GRAMD1C: variants seen among roughly 807,000 people sequenced by gnomAD.
GRAMD1C encodes the protein protein Aster-C.
Under a neutral mutation model 97.8 loss-of-function variants are expected in GRAMD1C, and 89 were observed. That is an observed-to-expected ratio of 0.91 (90% CI 0.77 to 1.09). The LOEUF (loss-of-function observed/expected upper bound fraction) is 1.09. Ranked by LOEUF, GRAMD1C falls within the 50% of genes least tolerant of loss-of-function variation. The pLI is 0.00. For missense variants in GRAMD1C, 740 were observed against 766.4 expected, an observed-to-expected ratio of 0.97 and a Z score of 0.41; for synonymous variants, 256 against 267.0, an observed-to-expected ratio of 0.96 and a Z score of 0.40.
In GRAMD1C at chr3:113,930,784, C is replaced by T. The variant is rs749785752; in HGVS notation, c.1161C>T (p.Val387=). Residue 387 remains valine, a synonymous_variant, in exon 11 of 18, where the codon GTC becomes GTT. Coordinates refer to ENST00000358160, the MANE Select transcript of GRAMD1C (RefSeq NM_017577.5). ...DQLRTMTYTI[V]LNSPLTGKCT... is the part of the protein sequence containing the mutation. ...TGAGAACGATGACCTACACTATAGT[C>T]CTTAATAGTCCACTTACTGGAAAAT... 1.5e-5 allele frequency: 24 copies of T among 1,611,062 alleles called. No homozygotes were observed. Among genetic ancestry groups the T allele is most frequent in the Middle Eastern group, 3.3e-4 (2 of 6,072 alleles).
chr3:113,848,218 G>A lies in GRAMD1C; in HGVS notation c.174+3569G>A, dbSNP rs142546234. On this transcript the variant is annotated intron_variant, in intron 2 of 17. Coordinates refer to ENST00000358160, the MANE Select transcript of GRAMD1C (RefSeq NM_017577.5). ...TCTGCATCTGGTGATTTCAGGGTGT[G>A]GTCATCTTGAGTATGTTGCATAACC... Among the ~76,000 whole-genome samples the A allele has an allele frequency of 2.6e-5, 4 of 152,228 alleles. No homozygotes were observed. In the East Asian group the frequency reaches 7.7e-4, roughly 29 times the overall value.
chr3:113,881,649 C>T (rs1433958728), intron 5 of GRAMD1C, among the ~76,000 whole-genome samples: 1 of 152,042 alleles, frequency 6.6e-6, no homozygotes, highest in Non-Finnish European at 1.5e-5. Flanking sequence ...AAGCATAACA[C>T]AGTGGTGAAA....
At position 113,945,462 on chromosome 3, in the gene GRAMD1C, T is replaced by A; in HGVS notation, c.1973T>A (p.Met658Lys). The A allele has an allele frequency of 6.3e-7, 1 of 1,588,436 alleles. No individual in the cohort carries two copies. ...CTACTAAATAAGAATAAGACTGGCA[T>A]GGCTGTTGAAAGCTAGTGATCTGAA... ...FDLLNKNKTG[M>K]AVES The change falls in exon 18 of 18, where the codon ATG becomes AAG. Residue 658 changes from methionine to lysine, a missense_variant. Physicochemically the swap from Met to Lys is moderately conservative, Grantham distance 95. Coordinates refer to ENST00000358160, the MANE Select transcript of GRAMD1C (RefSeq NM_017577.5).
At chr3:113,840,523 T>C (rs962251941) in intron 1 of GRAMD1C, among the ~76,000 whole-genome samples, 21 of 151,934 alleles carry the variant, frequency 1.4e-4, no homozygotes, top group African/African-American at 4.8e-4. Flanking sequence ...GAAGTATCGC[T>C]TGAGGACAGG....
Position 113,936,286 on chromosome 3 carries a change from G to A in GRAMD1C, c.1477G>A (p.Glu493Lys). Residue 493 changes from glutamate (E) to lysine (K), a missense_variant, in exon 14 of 18, where the codon GAA (glutamate) becomes AAA (lysine). Transcript: ENST00000358160. ...CTTAGAATCAGATTTGTTAATTGAA[G>A]AATCTGTATTAAATCAGGCCATTGA... is the stretch of plus-strand genomic sequence containing the variant. ...KQLESDLLIE[E>K]SVLNQAIEDP... The A allele has an allele frequency of 6.3e-7, 1 of 1,575,326 alleles. No homozygotes were observed.
intron 2 of GRAMD1C, among the ~76,000 whole-genome samples, chr3:113,855,217 A>G (rs191210401): frequency 8.6e-5 from 13 of 152,026 alleles, no homozygotes; most frequent in African/African-American, 2.4e-4. Context: ...AGGCTGAGGC[A>G]GGAGGATTGC....
Position 113,871,010 on chromosome 3 carries a change from CACACACACACACAG to C in GRAMD1C, c.259+1421_259+1434del, listed in dbSNP as rs1315532423. The stretch of plus-strand genomic sequence containing the variant: ...ACACACACACACACACACACACACA[CACACACACACACAG>C]AGGAATATTAAGTACTAAGAAAATA... On this transcript the variant is annotated intron_variant, in intron 3 of 17. Transcript: ENST00000358160. Among the ~76,000 whole-genome samples, 243 of 113,666 alleles carry C rather than the reference CACACACACACACAG, an allele frequency of 2.1e-3. 3 individuals carry two copies. Among genetic ancestry groups the C allele is most frequent in the Admixed American group, 4.1e-3 (39 of 9,398 alleles). The allele number at this position is 113,666 out of a possible 152,430, so 74.6% of individuals were successfully genotyped here. A position where few individuals can be genotyped will look rare whatever the true frequency, so the allele number is the denominator to read the frequency against.
At chr3:113,919,545 T>C (rs60649507) in intron 10 of GRAMD1C, 238,255 of 550,168 alleles carry the variant, frequency 0.43, 52,273 homozygotes, top group Non-Finnish European at 0.44. Context: ...AGTTATGATT[T>C]TGAGTTTATG....
At chr3:113,933,421 G>A in intron 11 of GRAMD1C, 90 bp from the exon 12 acceptor site, 1 of 841,978 alleles carries the variant, frequency 1.2e-6, no homozygotes, top group Admixed American at 2.3e-5. Flanking sequence ...TAATTTTTGA[G>A]AAGGAATACT....
intron 13 of GRAMD1C, among the ~76,000 whole-genome samples, chr3:113,935,038 C>G (rs1265893545): frequency 6.6e-6 from 1 of 152,160 alleles, no homozygotes; most frequent in Non-Finnish European, 1.5e-5. Flanking sequence ...ACCACCGTGC[C>G]TGGCCGAACA....
chr3:113,921,466 A>C (rs1358560392), intron 10 of GRAMD1C, among the ~76,000 whole-genome samples: 1 of 152,234 alleles, frequency 6.6e-6, no homozygotes, highest in African/African-American at 2.4e-5. Context: ...TATTCCTGTG[A>C]GTAGATACCC....
Position 113,940,227 on chromosome 3 carries a change from A to G in GRAMD1C, c.1803-13A>G, listed in dbSNP as rs760654628. The G allele has an allele frequency of 7.0e-7, 1 of 1,434,750 alleles. No individual in the cohort carries two copies. Among genetic ancestry groups the G allele is most frequent in the Admixed American group, 1.7e-5 (1 of 58,560 alleles). 88.9% of individuals were successfully genotyped at this position (1,434,750 alleles called of 1,614,324 possible). A position where few individuals can be genotyped will look rare whatever the true frequency, so the allele number is the denominator to read the frequency against. On this transcript the variant is annotated splice_polypyrimidine_tract_variant and intron_variant, in intron 16 of 17. Transcript: ENST00000358160. ...CTATTCTCCAGATTTTGAAGATGGC[A>G]TTTTTCTTTCAGTTTAGCCTCTGAT...
chr3:113,858,042 G>A (rs953421930), intron 2 of GRAMD1C, among the ~76,000 whole-genome samples: 2 of 151,910 alleles, frequency 1.3e-5, no homozygotes, highest in African/African-American at 4.8e-5. Context: ...CTCTTGTTCT[G>A]TTTTTTGGAG....
In GRAMD1C at chr3:113,911,460, G is replaced by A. The variant is rs1936572557; in HGVS notation, c.952+2340G>A. Among the ~76,000 whole-genome samples, 3 of 151,866 alleles carry A rather than the reference G, an allele frequency of 2.0e-5. No homozygotes were observed. In the South Asian group the frequency reaches 6.2e-4, roughly 32 times the overall value. On this transcript the variant is annotated intron_variant, in intron 9 of 17. Transcript: ENST00000358160. ...GGGGTTTCCTCATGTTGGCCAGGGT[G>A]GTCTTGAACTCCTGGCTTCAACTGA...
chr3:113,939,449 G>C (rs1301562765), intron 15 of GRAMD1C: 1 of 151,174 alleles, frequency 6.6e-6, no homozygotes, highest in Non-Finnish European at 1.5e-5. Context: ...CTCTACCTGA[G>C]ATCAGCTACA....
intron 8 of GRAMD1C, among the ~76,000 whole-genome samples, chr3:113,905,586 A>AT (rs1246632647): frequency 4.6e-5 from 7 of 152,292 alleles, no homozygotes; most frequent in Middle Eastern, 3.4e-3. Context: ...ATTATACTTT[A>AT]TAAGGTCTTT....
At chr3:113,897,028 C>T (rs1382629177) in intron 6 of GRAMD1C, among the ~76,000 whole-genome samples, 1 of 152,110 alleles carries the variant, frequency 6.6e-6, no homozygotes, top group Non-Finnish European at 1.5e-5. Context: ...TGCCTTAAAC[C>T]TTTCAGTGAT....
At chr3:113,834,623 T>C (rs996764643), upstream of GRAMD1C, among the ~76,000 whole-genome samples, 6 of 152,110 alleles carry the variant, frequency 3.9e-5, no homozygotes, top group East Asian at 1.9e-4. Flanking sequence ...TGAGTGAAAC[T>C]GAGGATCTTT....
chr3:113,848,594 C>CA (rs1933718576), intron 2 of GRAMD1C, among the ~76,000 whole-genome samples: 1 of 151,744 alleles, frequency 6.6e-6, no homozygotes, highest in South Asian at 2.1e-4. Flanking sequence ...CACTTGAGGC[C>CA]AGGAGTTTGA....
Sources: gnomAD v4.1 joint callset for allele counts (sites outside exome capture counted in the v4.1 genomes callset) on GRCh38, gnomAD v4.1.1 for gene constraint, MANE v1.5 for transcripts, NCBI Gene and HGNC (gene_info 2026-07-23, HGNC 2026-07-21) for gene names.